The following SPIDR variants were observed in gnomAD, a reference collection of about 807,000 sequenced individuals.
The protein encoded by SPIDR is DNA repair-scaffolding protein.
In SPIDR, 93 loss-of-function variants were observed where a neutral mutation model predicts 104.6. That is an observed-to-expected ratio of 0.89 (90% CI 0.75 to 1.06). The LOEUF is 1.06. SPIDR is among the 50% of genes least tolerant of loss of function. The pLI, the probability that SPIDR is intolerant of heterozygous loss-of-function variation, is 0.00. For missense variants in SPIDR, 1,154 were observed against 1,111.2 expected, an observed-to-expected ratio of 1.04 and a Z score of -0.55; for synonymous variants, 431 against 416.9, an observed-to-expected ratio of 1.03 and a Z score of -0.41.
chr8:47,366,214 G>A (rs1320446352), intron 5 of SPIDR, among the ~76,000 whole-genome samples: 1 of 152,084 alleles, frequency 6.6e-6, no homozygotes, highest in African/African-American at 2.4e-5. Flanking sequence ...CTGAAGGTGG[G>A]GTCAGAAGGT....
chr8:47,690,691 C>T (rs879589167), intron 11 of SPIDR, among the ~76,000 whole-genome samples: 1 of 151,982 alleles, frequency 6.6e-6, no homozygotes, highest in Admixed American at 6.6e-5. Flanking sequence ...TGGTGGCATG[C>T]GCCTGTAGTT....
intron 5 of SPIDR, among the ~76,000 whole-genome samples, chr8:47,313,468 G>C (rs28382309): frequency 0.028 from 4,250 of 152,212 alleles, 209 homozygotes; most frequent in African/African-American, 0.095. Context: ...AATCAATGTC[G>C]TGAAAATGGC....
At chr8:47,567,306 G>A (rs1262253983) in intron 8 of SPIDR, among the ~76,000 whole-genome samples, 2 of 151,448 alleles carry the variant, frequency 1.3e-5, no homozygotes, top group African/African-American at 4.9e-5. Flanking sequence ...CGCAACCTCT[G>A]CCTCCCGGGT....
At chr8:47,360,186 G>C (rs575183524) in intron 5 of SPIDR, among the ~76,000 whole-genome samples, 44 of 139,018 alleles carry the variant, frequency 3.2e-4, no homozygotes, top group African/African-American at 1.2e-3. Context: ...AGGTTGCAGT[G>C]AGCGGAGATC....
At chr8:47,546,581 T>C (rs1005493600) in intron 8 of SPIDR, among the ~76,000 whole-genome samples, 1 of 152,172 alleles carries the variant, frequency 6.6e-6, no homozygotes, top group Non-Finnish European at 1.5e-5. Flanking sequence ...CTTCATTTTT[T>C]ATTTTCAGCT....
At chr8:47,601,729 G>C (rs974157461) in intron 10 of SPIDR, among the ~76,000 whole-genome samples, 1 of 152,148 alleles carries the variant, frequency 6.6e-6, no homozygotes, top group Admixed American at 6.5e-5. Context: ...GAACCAAGCC[G>C]TGTTTAGATT....
At chr8:47,442,363 T>A (rs1301819409) in intron 8 of SPIDR, among the ~76,000 whole-genome samples, 10 of 152,316 alleles carry the variant, frequency 6.6e-5, no homozygotes, top group Admixed American at 1.3e-4. Context: ...ACAATCTATA[T>A]GTAAGTTATG....
At chr8:47,459,182 T>A (rs542018270) in intron 8 of SPIDR, among the ~76,000 whole-genome samples, 3 of 152,260 alleles carry the variant, frequency 2.0e-5, no homozygotes, top group African/African-American at 4.8e-5. Context: ...ATTGCCTCTT[T>A]CTCTATCTTG....
chr8:47,656,804 G>T (rs2072909956), intron 10 of SPIDR, among the ~76,000 whole-genome samples: 1 of 152,228 alleles, frequency 6.6e-6, no homozygotes, highest in Non-Finnish European at 1.5e-5. Context: ...ATATATCCAT[G>T]TAATGGAATA....
At chr8:47,369,005 T>C (rs1460071965) in intron 5 of SPIDR, among the ~76,000 whole-genome samples, 3 of 152,188 alleles carry the variant, frequency 2.0e-5, no homozygotes, top group Non-Finnish European at 4.4e-5. Flanking sequence ...CCAGTATGTG[T>C]TTCATAGGCA....
At position 47,315,574 on chromosome 8, in the gene SPIDR, A is replaced by G. The variant is rs78816818; in HGVS notation, c.525+21544A>G. ...GTTTATATGAAGATAGAAAGGACCTATGTTATACAAAGCAATCCTGATGAT... is the reference window on the plus strand; with the variant it reads ...GTTTATATGAAGATAGAAAGGACCTGTGTTATACAAAGCAATCCTGATGAT... On this transcript the variant is annotated intron_variant, in intron 5 of 19. Coordinates refer to ENST00000297423, the MANE Select transcript of SPIDR (RefSeq NM_001080394.4). Among the ~76,000 whole-genome samples the G allele has an allele frequency of 4.7e-3, 719 of 152,286 alleles. 5 individuals are homozygous for G. The highest frequency in any genetic ancestry group is 0.016 in the African/African-American group (679 of 41,568).
chr8:47,305,664 AT>A (rs2042974936), intron 5 of SPIDR, among the ~76,000 whole-genome samples: 1 of 152,140 alleles, frequency 6.6e-6, no homozygotes, highest in Admixed American at 6.5e-5. Flanking sequence ...ATTTTTACTT[AT>A]TTATATAAAT....
chr8:47,374,052 T>A (rs761189321), intron 5 of SPIDR, among the ~76,000 whole-genome samples: 1 of 152,222 alleles, frequency 6.6e-6, no homozygotes, highest in African/African-American at 2.4e-5. Flanking sequence ...CTAGGTGTGG[T>A]GATGGTTTCT....
intron 5 of SPIDR, among the ~76,000 whole-genome samples, chr8:47,297,391 C>T (rs1412728975): frequency 1.3e-5 from 2 of 152,102 alleles, no homozygotes; most frequent in African/African-American, 4.8e-5. Flanking sequence ...TCCTTCTATA[C>T]ATAATGTGTT....
rs1588933673 is a variant in SPIDR, at chr8:47,659,980, G to T, written c.1545-13821G>T. Among the ~76,000 whole-genome samples, 3 of 152,282 alleles carry T rather than the reference G, an allele frequency of 2.0e-5. No homozygotes were observed. The East Asian group carries it at 5.8e-4, about 29-fold the overall frequency. On this transcript the variant is annotated intron_variant, in intron 10 of 19. Coordinates refer to ENST00000297423, the MANE Select transcript of SPIDR (RefSeq NM_001080394.4). ...CTTAATCTGCCCTCTCAGCACATGC[G>T]TGCGCAGGCACACACGTTTGCTGTG...
At chr8:47,389,688 C>CAAAAAAA (rs11295388) in intron 5 of SPIDR, among the ~76,000 whole-genome samples, 2 of 62,014 alleles carry the variant, frequency 3.2e-5, no homozygotes, top group Admixed American at 2.0e-4. Flanking sequence ...GACTCCATCT[C>CAAAAAAA]AAAAAAAAAA....
intron 7 of SPIDR, among the ~76,000 whole-genome samples, chr8:47,428,617 C>A (rs2066825838): frequency 6.6e-6 from 1 of 152,166 alleles, no homozygotes; most frequent in African/African-American, 2.4e-5. Context: ...TTATTAAAAA[C>A]AATTTGTTTT....
chr8:47,530,683 A>G (rs28801503), intron 8 of SPIDR, among the ~76,000 whole-genome samples: 59 of 152,260 alleles, frequency 3.9e-4, no homozygotes, highest in Admixed American at 1.1e-3. Flanking sequence ...TGTAGACTTT[A>G]TATAAACACT....
chr8:47,600,237 A>G (rs941742623), intron 10 of SPIDR, among the ~76,000 whole-genome samples: 1 of 151,998 alleles, frequency 6.6e-6, no homozygotes, highest in South Asian at 2.1e-4. Flanking sequence ...CTGGCCGGGC[A>G]TGGTTGCTCA....
Sources: allele counts gnomAD v4.1 joint callset (sites outside exome capture counted in the v4.1 genomes callset), GRCh38; gene constraint gnomAD v4.1.1; transcripts MANE v1.5; gene names NCBI Gene and HGNC (gene_info 2026-07-23, HGNC 2026-07-21).